The following INTS13 variants were observed in gnomAD, a reference collection of about 807,000 sequenced individuals.
INTS13 encodes the protein asunder, spermatogenesis regulator homolog (Drosphila).
Under a neutral mutation model 90.2 loss-of-function variants are expected in INTS13, and 35 were observed. That is an observed-to-expected ratio of 0.39 (90% CI 0.30 to 0.51). The LOEUF is 0.51. Among genes scored for constraint, INTS13 ranks in the 20% least tolerant of loss-of-function variants. The probability of loss-of-function intolerance (pLI) is 0.80; values close to 1 mark genes in which losing one functional copy is unlikely to be tolerated. For synonymous variants in INTS13, 309 were observed against 277.1 expected, an observed-to-expected ratio of 1.11 and a Z score of -1.14; for missense variants, 601 against 851.2, an observed-to-expected ratio of 0.71 and a Z score of 3.66.
intron 15 of INTS13, among the ~76,000 whole-genome samples, chr12:26,908,254 G>A (rs1285803400): frequency 6.6e-6 from 1 of 152,134 alleles, no homozygotes. Flanking sequence ...TCAATATGAG[G>A]AAATCTTTTG....
chr12:26,913,711 TC>T (rs1268155674), intron 13 of INTS13, 24 bp from the exon 14 acceptor site: 1 of 1,551,900 alleles, frequency 6.4e-7, no homozygotes, highest in Non-Finnish European at 8.8e-7. Flanking sequence ...TTGGAAATAC[TC>T]TTTAAATAAT....
intron 8 of INTS13, among the ~76,000 whole-genome samples, 162 bp downstream of exon 8, chr12:26,922,454 C>A (rs964827065): frequency 6.6e-6 from 1 of 152,072 alleles, no homozygotes; most frequent in Non-Finnish European, 1.5e-5. Flanking sequence ...TAGGTATGTA[C>A]GTATAGGAGA....
At chr12:26,917,097 A>G (rs1049098623) in intron 10 of INTS13, among the ~76,000 whole-genome samples, 6 of 152,110 alleles carry the variant, frequency 3.9e-5, no homozygotes, top group African/African-American at 1.4e-4. Context: ...TATTAAATAA[A>G]ACCTGCTTAG....
chr12:26,928,607 G>T, intron 4 of INTS13, 96 bp downstream of exon 4: 1 of 1,269,816 alleles, frequency 7.9e-7, no homozygotes, highest in African/African-American at 1.5e-5. Flanking sequence ...ATGCTTAAAC[G>T]TAAACATGTA....
chr12:26,935,872 G>A (rs1938432656), intron 2 of INTS13, among the ~76,000 whole-genome samples: 1 of 152,108 alleles, frequency 6.6e-6, no homozygotes, highest in Non-Finnish European at 1.5e-5. Context: ...TTCCACTTGT[G>A]GCTAAACAAA....
intron 6 of INTS13, among the ~76,000 whole-genome samples, chr12:26,925,134 G>T (rs1201002787): frequency 6.6e-6 from 1 of 151,976 alleles, no homozygotes; most frequent in Non-Finnish European, 1.5e-5. Flanking sequence ...CACAATGATG[G>T]CAATAATGAC....
Position 26,936,638 on chromosome 12 carries a change from C to T in INTS13, c.166G>A (p.Val56Ile), listed in dbSNP as rs1938478990. ...PISKSLWTCS[V>I]ESSMEYCRIM... ...CTACAATATTCCATGGAAGATTCTA[C>T]TGAGCAAGTCCACAATGATTTAGAT... The change falls in exon 2 of 17, where the codon GTA becomes ATA. Residue 56 changes from valine (V) to isoleucine (I), a missense_variant. Transcript: ENST00000261191. 6.2e-7 allele frequency: 1 copy of T among 1,613,600 alleles called. No homozygotes were observed. Among genetic ancestry groups the T allele is most frequent in the Non-Finnish European group, 8.5e-7 (1 of 1,179,550 alleles).
At chr12:26,938,277 C>A (rs994041740), upstream of INTS13, 1 of 152,342 alleles carries the variant, frequency 6.6e-6, no homozygotes, top group African/African-American at 2.4e-5. Context: ...CCCGGTCTCC[C>A]CTTCTCTGTC....
At chr12:26,925,886 T>C (rs1937841155) in intron 5 of INTS13, 35 bp from the exon 6 acceptor site, 3 of 1,440,892 alleles carry the variant, frequency 2.1e-6, no homozygotes, top group East Asian at 4.6e-5. Context: ...AATTTAAGAA[T>C]ACATAGTATG....
At chr12:26,937,146 A>G (rs1447279503) in intron 1 of INTS13, among the ~76,000 whole-genome samples, 1 of 152,268 alleles carries the variant, frequency 6.6e-6, no homozygotes, top group Non-Finnish European at 1.5e-5. Flanking sequence ...TATACGAAAC[A>G]TAAGTGACAA....
At position 26,928,518 on chromosome 12, in the gene INTS13, T is replaced by C. The variant is rs1430909443; in HGVS notation, c.503+185A>G. On this transcript the variant is annotated intron_variant, in intron 4 of 16. Coordinates refer to ENST00000261191, the MANE Select transcript of INTS13 (RefSeq NM_018164.3). Reference sequence around the variant, plus strand: ...AACAGTTTTCAATGAGATAAGTCTTTATTTTAGAATGGAACACAGCCTCAA... The same window carrying C: ...AACAGTTTTCAATGAGATAAGTCTTCATTTTAGAATGGAACACAGCCTCAA... 2.0e-5 allele frequency among the ~76,000 whole-genome samples: 3 copies of C among 150,724 alleles called. No homozygotes were observed. The East Asian group carries it at 5.8e-4, about 29-fold the overall frequency.
intron 3 of INTS13, 85 bp from the exon 4 acceptor site, chr12:26,928,990 TG>T: frequency 8.4e-7 from 1 of 1,197,108 alleles, no homozygotes. Flanking sequence ...TACACACCAA[TG>T]TATCTTACAT....
At chr12:26,933,924 T>C (rs985916030) in intron 3 of INTS13, among the ~76,000 whole-genome samples, 1 of 152,192 alleles carries the variant, frequency 6.6e-6, no homozygotes, top group African/African-American at 2.4e-5. Context: ...ACTAACCATA[T>C]ATATTACTTG....
At chr12:26,937,419 A>T (rs1776267030) in intron 1 of INTS13, among the ~76,000 whole-genome samples, 1 of 152,248 alleles carries the variant, frequency 6.6e-6, no homozygotes, top group South Asian at 2.1e-4. Context: ...CTTTTGAAAC[A>T]TCACAGTAAT....
chr12:26,905,336 C>A lies in INTS13; in HGVS notation c.*161G>T. The A allele has an allele frequency of 1.7e-6, 1 of 605,450 alleles. No individual in the cohort carries two copies. Among genetic ancestry groups the A allele is most frequent in the Non-Finnish European group, 2.8e-6 (1 of 360,886 alleles). 37.5% of individuals were successfully genotyped at this position (605,450 alleles called of 1,614,324 possible). ...CAAATGTATATTTTTGAATTATGTG[C>A]CAATTTTATAATTAGTACAAAAATG... On this transcript the variant is annotated 3_prime_UTR_variant, in exon 17 of 17. Coordinates refer to ENST00000261191, the MANE Select transcript of INTS13 (RefSeq NM_018164.3).
chr12:26,920,490 C>A (rs952835606), intron 8 of INTS13, among the ~76,000 whole-genome samples: 2 of 152,028 alleles, frequency 1.3e-5, no homozygotes, highest in African/African-American at 4.8e-5. Flanking sequence ...CTTCTGCCTC[C>A]CGGGTTCAAG....
At position 26,905,407 on chromosome 12, in the gene INTS13, A is replaced by C; in HGVS notation, c.*90T>G. 1.6e-6 allele frequency: 2 copies of C among 1,214,754 alleles called. No homozygotes were observed. Among genetic ancestry groups the C allele is most frequent in the Non-Finnish European group, 1.2e-6 (1 of 837,140 alleles). The allele number at this position is 1,214,754 out of a possible 1,614,324, so 75.2% of individuals were successfully genotyped here. On this transcript the variant is annotated 3_prime_UTR_variant, in exon 17 of 17. Coordinates refer to ENST00000261191, the MANE Select transcript of INTS13 (RefSeq NM_018164.3). ...ATGTAAAAACCAGTCCAGGCAACAT[A>C]ACTATACCATCTTGCTGTAAAAGTA...
chr12:26,917,590 A>G, intron 9 of INTS13, 54 bp downstream of exon 9: 1 of 1,501,978 alleles, frequency 6.7e-7, no homozygotes, highest in East Asian at 2.3e-5. Flanking sequence ...ACCCCCATAT[A>G]ATACCTTAAG....
At position 26,916,064 on chromosome 12, in the gene INTS13, G is replaced by A. The variant is rs1951925428; in HGVS notation, c.1186C>T (p.Leu396=). 2 of 1,613,862 alleles carry A rather than the reference G, an allele frequency of 1.2e-6. No homozygotes were observed. The highest frequency in any genetic ancestry group is 2.2e-5 in the East Asian group (1 of 44,838). Residue 396 remains leucine, a synonymous_variant, in exon 11 of 17, where the codon CTA becomes TTA. Coordinates refer to ENST00000261191, the MANE Select transcript of INTS13 (RefSeq NM_018164.3). ...TCACTAATTGAAGGTGGATCTTCTA[G>A]AATGGATCGAGAACTGCTAAGGACG... ...LHVLSSSRSI[L]EDPPSISEGC... is the part of the protein sequence containing the mutation.
Sources: allele counts gnomAD v4.1 joint callset (sites outside exome capture counted in the v4.1 genomes callset), GRCh38; gene constraint gnomAD v4.1.1; transcripts MANE v1.5; gene names NCBI Gene and HGNC (gene_info 2026-07-23, HGNC 2026-07-21).